Variants in CNTNAP2 observed in about 807,000 individuals in gnomAD.
CNTNAP2 encodes the protein contactin-associated protein-like 2.
CNTNAP2 carries 98 observed loss-of-function variants against 155.2 expected under a neutral mutation model. The ratio of observed to expected loss-of-function variants is 0.63; its 90% confidence interval spans 0.54 to 0.75. The LOEUF (loss-of-function observed/expected upper bound fraction) is 0.75. Among genes scored for constraint, CNTNAP2 ranks in the 30% least tolerant of loss-of-function variants. The pLI, the probability that CNTNAP2 is intolerant of heterozygous loss-of-function variation, is 0.00. For missense variants in CNTNAP2, 1,727 were observed against 1,688.1 expected (o/e 1.02, Z -0.40); for synonymous variants, 651 against 631.2 (o/e 1.03, Z -0.47).
At chr7:148,332,908 G>T (rs924409104) in intron 21 of CNTNAP2, among the ~76,000 whole-genome samples, 1 of 152,124 alleles carries the variant, frequency 6.6e-6, no homozygotes, top group Non-Finnish European at 1.5e-5. Flanking sequence ...TATAAAATAG[G>T]ATCACAGAAC....
chr7:147,860,390 C>T (rs1799113816), intron 13 of CNTNAP2, among the ~76,000 whole-genome samples: 1 of 152,074 alleles, frequency 6.6e-6, no homozygotes, highest in South Asian at 2.1e-4. Flanking sequence ...CACCACTGCA[C>T]TCCAACCTGG....
chr7:146,592,709 G>T (rs527859976), intron 1 of CNTNAP2, among the ~76,000 whole-genome samples: 8 of 152,128 alleles, frequency 5.3e-5, no homozygotes, highest in African/African-American at 1.7e-4. Context: ...ACCATTCAAG[G>T]CAAAAATATC....
At chr7:148,008,094 T>C (rs1178471684) in intron 15 of CNTNAP2, among the ~76,000 whole-genome samples, 2 of 152,004 alleles carry the variant, frequency 1.3e-5, no homozygotes, top group African/African-American at 4.8e-5. Flanking sequence ...CCGGGCACAG[T>C]GGCTCATGCC....
At chr7:148,222,645 C>A (rs781526581) in intron 19 of CNTNAP2, among the ~76,000 whole-genome samples, 2 of 152,128 alleles carry the variant, frequency 1.3e-5, no homozygotes, top group Non-Finnish European at 2.9e-5. Context: ...TCTCAATATA[C>A]CCATATTAGG....
intron 2 of CNTNAP2, among the ~76,000 whole-genome samples, chr7:146,778,474 G>T (rs940993396): frequency 6.6e-6 from 1 of 152,046 alleles, no homozygotes; most frequent in Non-Finnish European, 1.5e-5. Context: ...TAGTTTATTG[G>T]TGCTGTTGTT....
intron 3 of CNTNAP2, among the ~76,000 whole-genome samples, chr7:147,032,062 G>GGAGT (rs530426033): frequency 6.6e-6 from 1 of 152,274 alleles, no homozygotes; most frequent in South Asian, 2.1e-4. Context: ...ATCTTGATAG[G>GGAGT]GAGTGAGGGT....
At chr7:146,508,965 C>G (rs1797426545) in intron 1 of CNTNAP2, among the ~76,000 whole-genome samples, 1 of 152,148 alleles carries the variant, frequency 6.6e-6, no homozygotes. Flanking sequence ...ATAGACTCCT[C>G]TGCTTCCCCG....
intron 4 of CNTNAP2, among the ~76,000 whole-genome samples, chr7:147,051,737 A>G (rs570354719): frequency 6.6e-6 from 1 of 152,038 alleles, no homozygotes; most frequent in Non-Finnish European, 1.5e-5. Flanking sequence ...TATATTTGTG[A>G]CAGATTTGTT....
At chr7:147,710,455 CT>C (rs1342943373) in intron 13 of CNTNAP2, among the ~76,000 whole-genome samples, 1 of 152,110 alleles carries the variant, frequency 6.6e-6, no homozygotes, top group Non-Finnish European at 1.5e-5. Flanking sequence ...AGAATCCTTT[CT>C]TTTTTGCCTT....
intron 9 of CNTNAP2, among the ~76,000 whole-genome samples, chr7:147,378,488 T>A (rs899660264): frequency 6.6e-6 from 1 of 152,004 alleles, no homozygotes; most frequent in African/African-American, 2.4e-5. Flanking sequence ...TTATGTTAAG[T>A]GAAGTAAACC....
intron 1 of CNTNAP2, among the ~76,000 whole-genome samples, chr7:146,254,855 C>T (rs928341887): frequency 8.5e-4 from 129 of 151,512 alleles, no homozygotes; most frequent in Non-Finnish European, 2.8e-4. Context: ...AGGAAACAAA[C>T]CAGCAAAACA....
chr7:147,788,130 T>C (rs2116567836), intron 13 of CNTNAP2, among the ~76,000 whole-genome samples: 1 of 152,310 alleles, frequency 6.6e-6, no homozygotes, highest in East Asian at 1.9e-4. Context: ...ACTCTTGTTA[T>C]TTGTGCAGAA....
At chr7:147,902,794 G>GTGTGTGTGTA (rs755971946) in intron 13 of CNTNAP2, among the ~76,000 whole-genome samples, 2,554 of 137,016 alleles carry the variant, frequency 0.019, 79 homozygotes, top group East Asian at 0.17. Context: ...GTGTGTGTGT[G>GTGTGTGTGTA]TGTGTGTGTG....
chr7:147,171,910 C>T (rs899746382), intron 8 of CNTNAP2, among the ~76,000 whole-genome samples: 12 of 151,384 alleles, frequency 7.9e-5, no homozygotes, highest in Non-Finnish European at 1.0e-4. Context: ...ATGAAAAAAA[C>T]GAGAATACCT....
intron 18 of CNTNAP2, among the ~76,000 whole-genome samples, chr7:148,180,979 A>T (rs1795028557): frequency 6.6e-6 from 1 of 152,130 alleles, no homozygotes; most frequent in South Asian, 2.1e-4. Context: ...AAAACAGAGA[A>T]AAGGTGGTAG....
At chr7:147,569,218 G>A (rs1800234896) in intron 12 of CNTNAP2, among the ~76,000 whole-genome samples, 1 of 152,134 alleles carries the variant, frequency 6.6e-6, no homozygotes, top group African/African-American at 2.4e-5. Context: ...AAGTTTCTAA[G>A]CGCTTGCACT....
intron 21 of CNTNAP2, among the ~76,000 whole-genome samples, chr7:148,354,174 A>T (rs902331694): frequency 7.4e-6 from 1 of 134,688 alleles, no homozygotes; most frequent in Non-Finnish European, 1.6e-5. Flanking sequence ...ATACGAAACG[A>T]TTAATTTTTT....
chr7:148,415,385 C>T (rs1302549625), intron 23 of CNTNAP2, 32 bp from the exon 24 acceptor site: 1 of 1,609,060 alleles, frequency 6.2e-7, no homozygotes. Flanking sequence ...CAAGCCCTGT[C>T]TAACCTCTCG....
chr7:148,155,856 G>C (rs1301916043), intron 17 of CNTNAP2, among the ~76,000 whole-genome samples: 2 of 152,188 alleles, frequency 1.3e-5, no homozygotes, highest in East Asian at 1.9e-4. Context: ...TCCCCTGACT[G>C]AGATGACCCT....
Sources: gnomAD v4.1 joint callset for allele counts (sites outside exome capture counted in the v4.1 genomes callset) on GRCh38, gnomAD v4.1.1 for gene constraint, MANE v1.5 for transcripts, NCBI Gene and HGNC (gene_info 2026-07-23, HGNC 2026-07-21) for gene names.